BEND4: variants seen among roughly 807,000 people sequenced by gnomAD.
BEND4 encodes the protein BEN domain containing 4, also known as BEN domain-containing protein 4.
In BEND4, 27 loss-of-function variants were observed where a neutral mutation model predicts 54.7. The ratio of observed to expected loss-of-function variants is 0.49; its 90% CI spans 0.36 to 0.68. The LOEUF is 0.68. Among genes scored for constraint, BEND4 ranks in the 30% least tolerant of loss-of-function variants. The pLI is 0.00. For missense variants in BEND4, 702 were observed against 697.2 expected, an observed-to-expected ratio of 1.01 and a Z score of -0.08; for synonymous variants, 327 against 299.5, an observed-to-expected ratio of 1.09 and a Z score of -0.95.
chr4:42,111,221 T>C lies in BEND4; in HGVS notation c.*6297A>G, dbSNP rs1327199982. 3 of 152,264 alleles carry C rather than the reference T, an allele frequency of 2.0e-5. No individual in the cohort carries two copies. Among genetic ancestry groups the C allele is most frequent in the Non-Finnish European group, 4.4e-5 (3 of 68,046 alleles). 9.4% of individuals were successfully genotyped at this position (152,264 alleles called of 1,614,324 possible). On this transcript the variant is annotated 3_prime_UTR_variant, in exon 6 of 6. Transcript: ENST00000502486. Reference sequence around the variant, plus strand: ...TATTCTATATTACACTATGCATTTGTAGCTTTATTAACATATCCCTAGTGG... The same window carrying C: ...TATTCTATATTACACTATGCATTTGCAGCTTTATTAACATATCCCTAGTGG...
intron 2 of BEND4, chr4:42,151,113 G>A (rs1015068705): frequency 2.0e-5 from 3 of 152,312 alleles, no homozygotes; most frequent in Non-Finnish European, 2.9e-5. Flanking sequence ...AAGACAGAAG[G>A]AAAAACGGAA....
rs772812619 is a variant in BEND4, at chr4:42,117,492, C to G, written c.*26G>C. The G allele has an allele frequency of 6.5e-7, 1 of 1,534,686 alleles. No homozygotes were observed. Among genetic ancestry groups the G allele is most frequent in the East Asian group, 2.3e-5 (1 of 43,760 alleles). ...CAATTGGAACTCTTGAGAGGACCAG[C>G]TGCTACAACAGGAAGATTCTGTCCA... On this transcript the variant is annotated 3_prime_UTR_variant, in exon 6 of 6. Transcript: ENST00000502486.
intron 3 of BEND4, 71 bp from the exon 4 acceptor site, chr4:42,125,745 GTTTT>G: frequency 1.2e-6 from 1 of 824,194 alleles, no homozygotes; most frequent in Non-Finnish European, 1.8e-6. Context: ...ATTTTTTAAA[GTTTT>G]TTTTTTTTTA....
intron 2 of BEND4, among the ~76,000 whole-genome samples, chr4:42,149,484 G>C (rs1420295213): frequency 1.3e-5 from 2 of 152,170 alleles, no homozygotes; most frequent in Admixed American, 1.3e-4. Flanking sequence ...ACAAGCACGA[G>C]GGATCCAGCC....
At chr4:42,142,152 C>G (rs1577764958) in intron 3 of BEND4, among the ~76,000 whole-genome samples, 1 of 151,766 alleles carries the variant, frequency 6.6e-6, no homozygotes, top group East Asian at 2.0e-4. Flanking sequence ...TGATCCGCCC[C>G]CCCTCGGCCT....
intron 3 of BEND4, among the ~76,000 whole-genome samples, chr4:42,137,907 C>A (rs568688880): frequency 6.6e-6 from 1 of 152,134 alleles, no homozygotes; most frequent in African/African-American, 2.4e-5. Flanking sequence ...CACTTGACAC[C>A]AGTTAGGATG....
At chr4:42,119,541 T>C (rs761448231) in intron 5 of BEND4, among the ~76,000 whole-genome samples, 2 of 152,032 alleles carry the variant, frequency 1.3e-5, no homozygotes, top group Non-Finnish European at 2.9e-5. Context: ...GTACACTTAA[T>C]AGAAACTTTT....
chr4:42,142,468 T>A (rs6834226), intron 3 of BEND4, among the ~76,000 whole-genome samples: 3,207 of 144,882 alleles, frequency 0.022, 86 homozygotes, highest in African/African-American at 0.069. Context: ...AAAAAAAATA[T>A]ATATATATAT....
intron 3 of BEND4, among the ~76,000 whole-genome samples, chr4:42,137,289 G>A (rs577283800): frequency 6.6e-6 from 1 of 152,192 alleles, no homozygotes; most frequent in South Asian, 2.1e-4. Context: ...TTCAACTAAG[G>A]GTGTGGGAAA....
intron 3 of BEND4, among the ~76,000 whole-genome samples, chr4:42,135,839 GA>G (rs1720679433): frequency 6.6e-6 from 1 of 152,134 alleles, no homozygotes; most frequent in South Asian, 2.1e-4. Context: ...TCACTTTAGA[GA>G]AAGGGAAACA....
Position 42,152,229 on chromosome 4 carries a change from G to C in BEND4, c.-86C>G. ...AGGGTGCCTCCGCCGCCTGCCCGCC[G>C]GGTCTGCCCTGGTGCGCGCGTGTGG... On this transcript the variant is annotated 5_prime_UTR_variant, in exon 2 of 6. Transcript: ENST00000502486. The C allele has an allele frequency of 1.7e-6, 2 of 1,201,208 alleles. No homozygotes were observed. Among genetic ancestry groups the C allele is most frequent in the African/African-American group, 1.6e-5 (1 of 63,258 alleles). 74.4% of individuals were successfully genotyped at this position (1,201,208 alleles called of 1,614,324 possible).
intron 3 of BEND4, among the ~76,000 whole-genome samples, chr4:42,128,225 T>A (rs1577752924): frequency 1.3e-5 from 2 of 152,116 alleles, no homozygotes; most frequent in African/African-American, 4.8e-5. Flanking sequence ...TCACGACAAA[T>A]CCACAGCCAA....
chr4:42,146,271 T>C (rs1183135420), intron 2 of BEND4, among the ~76,000 whole-genome samples: 1 of 152,194 alleles, frequency 6.6e-6, no homozygotes, highest in East Asian at 1.9e-4. Context: ...CATATGTGTA[T>C]GTGAGGTCCC....
intron 3 of BEND4, among the ~76,000 whole-genome samples, chr4:42,141,659 T>A: frequency 6.6e-6 from 1 of 152,098 alleles, no homozygotes; most frequent in East Asian, 1.9e-4. Flanking sequence ...GAGAATCGCT[T>A]GAACTCAGGC....
At chr4:42,151,405 A>C in intron 2 of BEND4, 1 of 305,832 alleles carries the variant, frequency 3.3e-6, no homozygotes, top group African/African-American at 2.2e-5. Context: ...CGACTGCCAC[A>C]GCCGTGCTTC....
At position 42,111,439 on chromosome 4, in the gene BEND4, G is replaced by A. The variant is rs1026840180; in HGVS notation, c.*6079C>T. On this transcript the variant is annotated 3_prime_UTR_variant, in exon 6 of 6. Coordinates refer to ENST00000502486, the MANE Select transcript of BEND4 (RefSeq NM_207406.4). ...AAGTTCCAGAGAGGAGAGACATAAA[G>A]GCAATGCCTAAATTGCGCAGGGTCG... 1 of 152,156 alleles carries A rather than the reference G, an allele frequency of 6.6e-6. No homozygotes were observed. Among genetic ancestry groups the A allele is most frequent in the African/African-American group, 2.4e-5 (1 of 41,432 alleles). The allele number at this position is 152,156 out of a possible 1,614,324, so 9.4% of individuals were successfully genotyped here.
In BEND4 at chr4:42,117,473, G is replaced by T; in HGVS notation, c.*45C>A. 1 of 1,382,558 alleles carries T rather than the reference G, an allele frequency of 7.2e-7. No individual in the cohort carries two copies. Among genetic ancestry groups the T allele is most frequent in the Non-Finnish European group, 1.0e-6 (1 of 990,968 alleles). 85.6% of individuals were successfully genotyped at this position (1,382,558 alleles called of 1,614,324 possible). ...GACAGGAACAGGACATTCACAATTG[G>T]AACTCTTGAGAGGACCAGCTGCTAC... On this transcript the variant is annotated 3_prime_UTR_variant, in exon 6 of 6. Coordinates refer to ENST00000502486, the MANE Select transcript of BEND4 (RefSeq NM_207406.4).
intron 2 of BEND4, among the ~76,000 whole-genome samples, chr4:42,145,189 T>A (rs1263524094): frequency 6.6e-6 from 1 of 152,164 alleles, no homozygotes; most frequent in Admixed American, 6.5e-5. Context: ...GTTCAAGGGC[T>A]GCTATGGGAA....
intron 3 of BEND4, among the ~76,000 whole-genome samples, chr4:42,139,791 G>C (rs1038891285): frequency 1.3e-5 from 2 of 152,140 alleles, no homozygotes; most frequent in Non-Finnish European, 2.9e-5. Flanking sequence ...AACACAGGTA[G>C]ATTCTACTAG....
Sources: allele counts gnomAD v4.1 joint callset (sites outside exome capture counted in the v4.1 genomes callset), GRCh38; gene constraint gnomAD v4.1.1; transcripts MANE v1.5; gene names NCBI Gene and HGNC (gene_info 2026-07-23, HGNC 2026-07-21).